ATF3: variants seen among roughly 807,000 people sequenced by gnomAD.
ATF3 encodes the protein activating transcription factor 3, also known as cyclic AMP-dependent transcription factor ATF-3.
Under a neutral mutation model 18.4 loss-of-function variants are expected in ATF3, and 10 were observed. The observed-to-expected ratio is 0.54, with a 90% CI of 0.34 to 0.92. The LOEUF (loss-of-function observed/expected upper bound fraction) is 0.92. Ranked by LOEUF, ATF3 falls within the 40% of genes least tolerant of loss-of-function variation. The probability of loss-of-function intolerance (pLI) is 0.02; values close to 1 mark genes in which losing one functional copy is unlikely to be tolerated. For synonymous variants in ATF3, 78 were observed against 87.9 expected, an observed-to-expected ratio of 0.89 and a Z score of 0.63; for missense variants, 183 against 222.3, an observed-to-expected ratio of 0.82 and a Z score of 1.12.
intron 1 of ATF3, among the ~76,000 whole-genome samples, chr1:212,583,099 A>G (rs72756347): frequency 0.055 from 8,441 of 152,246 alleles, 439 homozygotes; most frequent in African/African-American, 0.14. Flanking sequence ...GCTCACTCCT[A>G]ACTGGTTTCT....
intron 1 of ATF3, among the ~76,000 whole-genome samples, chr1:212,610,682 C>T (rs1329922776): frequency 2.6e-5 from 4 of 152,182 alleles, no homozygotes; most frequent in East Asian, 1.9e-4. Flanking sequence ...CCGTTTTCTT[C>T]GATAGCCCCT....
chr1:212,576,217 A>G (rs980361786), intron 1 of ATF3, among the ~76,000 whole-genome samples: 2 of 151,978 alleles, frequency 1.3e-5, no homozygotes, highest in African/African-American at 4.8e-5. Context: ...ATTTTTCCTA[A>G]GTTTCCATAT....
At chr1:212,604,969 G>A (rs912214026), upstream of ATF3, among the ~76,000 whole-genome samples, 9 of 152,060 alleles carry the variant, frequency 5.9e-5, no homozygotes, top group Non-Finnish European at 1.0e-4. Context: ...TCTCACTCCC[G>A]CCCCCTCTTG....
intron 1 of ATF3, among the ~76,000 whole-genome samples, chr1:212,572,218 T>C (rs2102620649): frequency 6.6e-6 from 1 of 152,250 alleles, no homozygotes; most frequent in African/African-American, 2.4e-5. Flanking sequence ...CCTTTTCATG[T>C]TCAACATTTT....
At chr1:212,609,136 GAACT>G (rs1314497086) in intron 1 of ATF3, among the ~76,000 whole-genome samples, 2 of 152,248 alleles carry the variant, frequency 1.3e-5, no homozygotes, top group Non-Finnish European at 2.9e-5. Context: ...CAAAGCGAAA[GAACT>G]AACTTTCTCT....
At chr1:212,583,126 G>A (rs1016112439) in intron 1 of ATF3, among the ~76,000 whole-genome samples, 1 of 152,112 alleles carries the variant, frequency 6.6e-6, no homozygotes, top group African/African-American at 2.4e-5. Flanking sequence ...AGAATATGAG[G>A]TATAACAAAA....
In ATF3 at chr1:212,593,743, TAAAAAAAA is replaced by T. The variant is rs58956572; in HGVS notation, c.-4-21257_-4-21250del. On this transcript the variant is annotated intron_variant, in intron 1 of 3. Coordinates refer to the ATF3 transcript ENST00000366981. ...ATGATAGAGAGAGACCCTGTCTCTTTAAAAAAAAAAAAAAAAAAAAAAAAAGTGTTCTT... is the reference window on the plus strand; with the variant it reads ...ATGATAGAGAGAGACCCTGTCTCTTTAAAAAAAAAAAAAAAAAGTGTTCTT... 7.7e-4 allele frequency among the ~76,000 whole-genome samples: 89 copies of T among 115,396 alleles called. 2 individuals carry two copies. The South Asian group carries it at 0.024, about 31-fold the overall frequency. The allele number at this position is 115,396 out of a possible 152,430, so 75.7% of individuals were successfully genotyped here. A position where few individuals can be genotyped will look rare whatever the true frequency, so the allele number is the denominator to read the frequency against.
intron 1 of ATF3, among the ~76,000 whole-genome samples, chr1:212,589,429 T>C (rs1323246689): frequency 1.3e-5 from 2 of 151,802 alleles, no homozygotes; most frequent in Non-Finnish European, 2.9e-5. Context: ...GAGGAAGAAA[T>C]AGAAGGTTAA....
rs1022524448 is a variant in ATF3 at position 212,619,819 on chromosome 1, C to T, written c.*264C>T. ...CTGGCCATTCTTATGTTCCAGATGG[C>T]CCCCAGCTGGTGTCCTGCCCGCCTT... On this transcript the variant is annotated 3_prime_UTR_variant, in exon 4 of 4. Coordinates refer to ENST00000341491, the MANE Select transcript of ATF3 (RefSeq NM_001674.4). The surrounding 1 kb of genome is among the most constrained non-coding windows in gnomAD (Gnocchi z 4.4). The T allele has an allele frequency of 1.0e-5, 4 of 389,078 alleles. No individual in the cohort carries two copies. Among genetic ancestry groups the T allele is most frequent in the Non-Finnish European group, 1.9e-5 (4 of 206,166 alleles). The allele number at this position is 389,078 out of a possible 1,614,324, so 24.1% of individuals were successfully genotyped here. A position where few individuals can be genotyped will look rare whatever the true frequency, so the allele number is the denominator to read the frequency against.
At chr1:212,597,931 A>G (rs1370403628) in intron 1 of ATF3, among the ~76,000 whole-genome samples, 1 of 152,216 alleles carries the variant, frequency 6.6e-6, no homozygotes, top group Non-Finnish European at 1.5e-5. Flanking sequence ...CATGGTAGGC[A>G]TTCAAGGAGT....
chr1:212,619,250 GC>G lies in ATF3; in HGVS notation c.349-104del. On this transcript the variant is annotated intron_variant, in intron 3 of 3. Transcript: ENST00000341491. This position sits in a 1 kb window ranked among gnomAD's most constrained non-coding sequence, Gnocchi z 4.4. ...CCATCTTCCTCTCGCAGCTTGATGAGCCCCGGTGTGTCCCAGGTACACCCCT... is the reference window on the plus strand; with the variant it reads ...CCATCTTCCTCTCGCAGCTTGATGAGCCCGGTGTGTCCCAGGTACACCCCT... 6.2e-7 allele frequency: 1 copy of G among 1,610,740 alleles called. No individual in the cohort carries two copies. Among genetic ancestry groups the G allele is most frequent in the Admixed American group, 1.7e-5 (1 of 59,860 alleles).
chr1:212,609,176 T>C (rs1224134849), intron 1 of ATF3, among the ~76,000 whole-genome samples: 1 of 152,224 alleles, frequency 6.6e-6, no homozygotes, highest in African/African-American at 2.4e-5. Context: ...GAAAGGTTCC[T>C]GGTGACGGAG....
intron 1 of ATF3, among the ~76,000 whole-genome samples, chr1:212,572,956 G>A (rs1438318852): frequency 6.6e-6 from 1 of 152,142 alleles, no homozygotes; most frequent in Non-Finnish European, 1.5e-5. Flanking sequence ...CTTGGCTTTT[G>A]TGTCTTTTTT....
chr1:212,591,148 G>A (rs1490693813), intron 1 of ATF3, among the ~76,000 whole-genome samples: 2 of 152,054 alleles, frequency 1.3e-5, no homozygotes, highest in Non-Finnish European at 2.9e-5. Context: ...CCATATCTTT[G>A]CATATTCTGA....
At position 212,620,521 on chromosome 1, in the gene ATF3, A is replaced by G. The variant is rs536213208; in HGVS notation, c.*966A>G. The G allele has an allele frequency of 5.9e-5, 9 of 152,714 alleles. No homozygotes were observed. The highest frequency in any genetic ancestry group is 1.0e-4 in the Non-Finnish European group (7 of 68,026). 9.5% of individuals were successfully genotyped at this position (152,714 alleles called of 1,614,324 possible). A position where few individuals can be genotyped will look rare whatever the true frequency, so the allele number is the denominator to read the frequency against. ...CAGGCTTTAGCATTATTGGATGTCA[A>G]TAGCATTGTTTTTGTCATGTAGCTG... is the stretch of plus-strand genomic sequence containing the variant. On this transcript the variant is annotated 3_prime_UTR_variant, in exon 4 of 4. Coordinates refer to ENST00000341491, the MANE Select transcript of ATF3 (RefSeq NM_001674.4).
At chr1:212,591,990 C>T (rs1664895791) in intron 1 of ATF3, among the ~76,000 whole-genome samples, 1 of 152,148 alleles carries the variant, frequency 6.6e-6, no homozygotes. Flanking sequence ...TTTAAAATTG[C>T]GGTACAAAGT....
At chr1:212,600,908 A>G (rs955852781) in intron 1 of ATF3, among the ~76,000 whole-genome samples, 1 of 152,114 alleles carries the variant, frequency 6.6e-6, no homozygotes, top group East Asian at 1.9e-4. Flanking sequence ...TAAAATACCT[A>G]CTATATTGCT....
intron 1 of ATF3, among the ~76,000 whole-genome samples, chr1:212,573,227 C>A (rs1664516427): frequency 6.6e-6 from 1 of 152,046 alleles, no homozygotes; most frequent in Non-Finnish European, 1.5e-5. Context: ...AGTATTTCAT[C>A]CTTAAAGATG....
intron 1 of ATF3, among the ~76,000 whole-genome samples, chr1:212,602,948 A>AT (rs1654522233): frequency 6.6e-6 from 1 of 152,200 alleles, no homozygotes; most frequent in Admixed American, 6.5e-5. Flanking sequence ...TATTTTAAGG[A>AT]TTTTTTATTT....
Sources: gnomAD v4.1 joint callset for allele counts (sites outside exome capture counted in the v4.1 genomes callset) on GRCh38, gnomAD v4.1.1 for gene constraint, Gnocchi (gnomAD v3.1) non-coding constraint, MANE v1.5 for transcripts, NCBI Gene and HGNC (gene_info 2026-07-23, HGNC 2026-07-21) for gene names.